Variants in AGPAT3 observed in about 807,000 individuals in gnomAD.
AGPAT3 encodes the protein 1-acylglycerol-3-phosphate O-acyltransferase 3, also known as 1-acyl-sn-glycerol-3-phosphate acyltransferase gamma.
AGPAT3 carries 5 observed loss-of-function variants against 47.3 expected under a neutral mutation model. The observed-to-expected ratio is 0.11, with a 90% CI of 0.06 to 0.22. The LOEUF (loss-of-function observed/expected upper bound fraction) is 0.22, where lower values mean the gene tolerates loss of function less well. AGPAT3 is among the 10% of genes least tolerant of loss of function. The pLI, the probability that AGPAT3 is intolerant of heterozygous loss-of-function variation, is 1.00. For missense variants in AGPAT3, 315 were observed against 493.0 expected, an observed-to-expected ratio of 0.64 and a Z score of 3.42; for synonymous variants, 212 against 208.3, an observed-to-expected ratio of 1.02 and a Z score of -0.15.
chr21:43,972,081 C>T (rs1292557267), intron 7 of AGPAT3, among the ~76,000 whole-genome samples: 2 of 152,030 alleles, frequency 1.3e-5, no homozygotes, highest in African/African-American at 2.4e-5. Flanking sequence ...TGATGGCAGC[C>T]GCAGCACGCG....
At chr21:43,956,258 A>G (rs1013212853) in intron 2 of AGPAT3, among the ~76,000 whole-genome samples, 1 of 152,150 alleles carries the variant, frequency 6.6e-6, no homozygotes, top group Non-Finnish European at 1.5e-5. Context: ...GCTCTGCTCT[A>G]AGGGGCCCCT....
intron 1 of AGPAT3, among the ~76,000 whole-genome samples, chr21:43,879,552 G>T (rs957161691): frequency 1.3e-5 from 2 of 152,016 alleles, no homozygotes; most frequent in Non-Finnish European, 2.9e-5. Context: ...CTTGGAGGCT[G>T]GGTCGTGGGG....
At chr21:43,977,369 G>A (rs2089655449) in intron 7 of AGPAT3, among the ~76,000 whole-genome samples, 1 of 152,178 alleles carries the variant, frequency 6.6e-6, no homozygotes, top group Non-Finnish European at 1.5e-5. Context: ...TATTAAGAAA[G>A]ACCAGAACTC....
chr21:43,898,253 C>G (rs2086274572), intron 1 of AGPAT3, among the ~76,000 whole-genome samples: 1 of 152,214 alleles, frequency 6.6e-6, no homozygotes, highest in Non-Finnish European at 1.5e-5. Flanking sequence ...AATATACCAT[C>G]TTATATTTTG....
intron 1 of AGPAT3, among the ~76,000 whole-genome samples, chr21:43,869,755 C>T (rs1045701687): frequency 8.5e-5 from 13 of 152,196 alleles, no homozygotes; most frequent in South Asian, 2.1e-4. Context: ...GAAGGGGTCC[C>T]GAAGGTGTCT....
intron 1 of AGPAT3, among the ~76,000 whole-genome samples, chr21:43,893,313 C>G (rs149377228): frequency 1.3e-5 from 2 of 152,220 alleles, no homozygotes; most frequent in African/African-American, 4.8e-5. Flanking sequence ...TCTCAACCTT[C>G]ACAGAATTGA....
chr21:43,888,324 A>C (rs1013167433), intron 1 of AGPAT3, among the ~76,000 whole-genome samples: 3 of 152,366 alleles, frequency 2.0e-5, no homozygotes, highest in South Asian at 2.1e-4. Context: ...ACAGGCTTGC[A>C]TCACTGCACC....
At chr21:43,968,369 G>A (rs1601451992) in intron 4 of AGPAT3, among the ~76,000 whole-genome samples, 2 of 151,174 alleles carry the variant, frequency 1.3e-5, no homozygotes, top group African/African-American at 4.9e-5. Context: ...CAGGGGAGGT[G>A]CTGGGAGTGA....
intron 1 of AGPAT3, among the ~76,000 whole-genome samples, chr21:43,896,085 G>T (rs2086210150): frequency 6.6e-6 from 1 of 152,134 alleles, no homozygotes; most frequent in Non-Finnish European, 1.5e-5. Context: ...GGTATTTTTA[G>T]TAGAGATGGG....
Position 43,969,180 on chromosome 21 carries a change from C to T in AGPAT3, c.411C>T (p.Tyr137=). 1.9e-6 allele frequency: 3 copies of T among 1,614,210 alleles called. No individual in the cohort carries two copies. Among genetic ancestry groups the T allele is most frequent in the Non-Finnish European group, 2.5e-6 (3 of 1,180,026 alleles). ...LYVPLIGWTW[Y]FLEIVFCKRK... Reference sequence around the variant, plus strand: ...TGCCCCTCATCGGCTGGACGTGGTACTTTCTGGAGATTGTGTTCTGCAAGC... The same window carrying T: ...TGCCCCTCATCGGCTGGACGTGGTATTTTCTGGAGATTGTGTTCTGCAAGC... Residue 137 remains tyrosine, a synonymous_variant, in exon 5 of 10, where the codon TAC becomes TAT. Transcript: ENST00000291572.
At chr21:43,969,047 G>A in intron 4 of AGPAT3, 71 bp from the exon 5 acceptor site, 2 of 1,528,286 alleles carry the variant, frequency 1.3e-6, no homozygotes, top group Non-Finnish European at 1.8e-6. Context: ...GGGTGCAGCG[G>A]GAGCCTGGCC....
intron 1 of AGPAT3, among the ~76,000 whole-genome samples, chr21:43,899,736 C>T (rs1459508531): frequency 1.3e-5 from 2 of 152,178 alleles, no homozygotes; most frequent in African/African-American, 2.4e-5. Context: ...CAGGCATCAC[C>T]TCGTGTGTGT....
chr21:43,886,139 G>T (rs2085972038), intron 1 of AGPAT3, among the ~76,000 whole-genome samples: 1 of 152,210 alleles, frequency 6.6e-6, no homozygotes, highest in Non-Finnish European at 1.5e-5. Context: ...ATGGAAACTT[G>T]CAGGGCTTGG....
At chr21:43,921,870 A>G (rs1277202476) in intron 2 of AGPAT3, among the ~76,000 whole-genome samples, 1 of 151,994 alleles carries the variant, frequency 6.6e-6, no homozygotes, top group East Asian at 1.9e-4. Context: ...TCCCACCCCA[A>G]GCTGGGTGTC....
chr21:43,876,905 C>G (rs1474046154), intron 1 of AGPAT3, among the ~76,000 whole-genome samples: 1 of 152,098 alleles, frequency 6.6e-6, no homozygotes, highest in Admixed American at 6.6e-5. Context: ...GTTGCCCAAG[C>G]TGGAGTGCAG....
At chr21:43,883,261 G>A (rs1324500827) in intron 1 of AGPAT3, among the ~76,000 whole-genome samples, 1 of 152,116 alleles carries the variant, frequency 6.6e-6, no homozygotes, top group Admixed American at 6.5e-5. Context: ...CTGGACCTCC[G>A]TGATCAGCCA....
rs1163547857 is a variant in AGPAT3 at position 43,932,967 on chromosome 21, C to G, written c.-48-26667C>G. On this transcript the variant is annotated intron_variant, in intron 2 of 9. Coordinates refer to ENST00000291572, the MANE Select transcript of AGPAT3 (RefSeq NM_020132.5). This position sits in a 1 kb window ranked among gnomAD's most constrained non-coding sequence, Gnocchi z 5.2. ...CCTGGGCCAGTAGTTCCATTTTTGA[C>G]TTTTGGAGGCACCTCCAGATGGTTT... Among the ~76,000 whole-genome samples, 7 of 152,170 alleles carry G rather than the reference C, an allele frequency of 4.6e-5. No individual in the cohort carries two copies. The highest frequency in any genetic ancestry group is 1.0e-4 in the Non-Finnish European group (7 of 68,026).
intron 1 of AGPAT3, among the ~76,000 whole-genome samples, chr21:43,877,837 C>T (rs2085767394): frequency 6.6e-6 from 1 of 152,138 alleles, no homozygotes; most frequent in South Asian, 2.1e-4. Context: ...TCCCCTCTAT[C>T]TTCTGTCTCC....
intron 1 of AGPAT3, among the ~76,000 whole-genome samples, chr21:43,884,800 A>G: frequency 6.6e-6 from 1 of 151,896 alleles, no homozygotes; most frequent in African/African-American, 2.4e-5. Context: ...CTGGTGGTGG[A>G]TGCAGAGGCA....
Sources: allele counts gnomAD v4.1 joint callset (sites outside exome capture counted in the v4.1 genomes callset), GRCh38; gene constraint gnomAD v4.1.1; non-coding constraint Gnocchi (gnomAD v3.1); transcripts MANE v1.5; gene names NCBI Gene and HGNC (gene_info 2026-07-23, HGNC 2026-07-21).